MAF: variants seen among roughly 807,000 people sequenced by gnomAD.
The protein encoded by MAF is MAF bZIP transcription factor.
MAF carries 10 observed loss-of-function variants against 22.0 expected under a neutral mutation model. That is an observed-to-expected ratio of 0.45 (90% CI 0.28 to 0.77). The LOEUF (loss-of-function observed/expected upper bound fraction) is 0.77, where lower values mean the gene tolerates loss of function less well. MAF is among the 30% of genes least tolerant of loss of function. The pLI is 0.12. For synonymous variants in MAF, 337 were observed against 255.8 expected, an observed-to-expected ratio of 1.32 and a Z score of -3.03; for missense variants, 544 against 548.4, an observed-to-expected ratio of 0.99 and a Z score of 0.08.
rs1421442218 is a variant in MAF at position 79,599,785 on chromosome 16, C to T, written c.118G>A (p.Asp40Asn). Residue 40 changes from aspartate to asparagine, a missense_variant, in exon 1 of 2, where the codon GAC (aspartate) becomes AAC (asparagine). Coordinates refer to ENST00000326043, the MANE Select transcript of MAF (RefSeq NM_005360.5). ...CGGCCGCACTGGCTGATGATGCGGT[C>T]GGTCTCCACCGGTTCCTTTTTCACT... Reference protein sequence around the residue: ...FEVKKEPVETDRIISQCGRLI... With the variant: ...FEVKKEPVETNRIISQCGRLI... 3 of 1,612,892 alleles carry T rather than the reference C, an allele frequency of 1.9e-6. No homozygotes were observed. Among genetic ancestry groups the T allele is most frequent in the Non-Finnish European group, 2.5e-6 (3 of 1,179,944 alleles).
chr16:79,487,379 G>A, the MAF span, among the ~76,000 whole-genome samples: 1 of 152,132 alleles, frequency 6.6e-6, no homozygotes, highest in African/African-American at 2.4e-5. Context: ...TTTGATCTGA[G>A]TGGTGGATAT....
chr16:79,350,491 G>A, the MAF span, among the ~76,000 whole-genome samples: 33 of 152,118 alleles, frequency 2.2e-4, no homozygotes, highest in Non-Finnish European at 4.0e-4. Flanking sequence ...TGAGCACACC[G>A]CTGGACTACC....
chr16:79,340,112 G>C, the MAF span, among the ~76,000 whole-genome samples: 3 of 152,092 alleles, frequency 2.0e-5, no homozygotes, highest in Non-Finnish European at 4.4e-5. Flanking sequence ...CTAGCCAAGT[G>C]CAATACTTAG....
the MAF span, among the ~76,000 whole-genome samples, chr16:79,423,866 C>G: frequency 3.3e-5 from 5 of 152,148 alleles, no homozygotes; most frequent in Non-Finnish European, 7.3e-5. Flanking sequence ...AAATTAAATT[C>G]TTAGATAGAT....
chr16:79,519,207 A>G, the MAF span, among the ~76,000 whole-genome samples: 1 of 152,090 alleles, frequency 6.6e-6, no homozygotes, highest in African/African-American at 2.4e-5. Context: ...CAAGCCCCCA[A>G]ACCTGGAGCT....
At chr16:79,546,434 T>C in the MAF span, among the ~76,000 whole-genome samples, 1 of 152,208 alleles carries the variant, frequency 6.6e-6, no homozygotes, top group Non-Finnish European at 1.5e-5. Flanking sequence ...AGATAGAAAG[T>C]TTTGACAATT....
the MAF span, among the ~76,000 whole-genome samples, chr16:79,272,523 G>A: frequency 2.4e-3 from 369 of 152,296 alleles, 3 homozygotes; most frequent in Middle Eastern, 0.01. Context: ...AGACCACAGC[G>A]CCGCTCCATG....
chr16:79,332,652 A>G, the MAF span, among the ~76,000 whole-genome samples: 2 of 152,200 alleles, frequency 1.3e-5, no homozygotes, highest in African/African-American at 2.4e-5. Flanking sequence ...ATGCCAGACA[A>G]TGTGTATTTT....
At chr16:79,342,580 C>T in the MAF span, among the ~76,000 whole-genome samples, 1 of 151,982 alleles carries the variant, frequency 6.6e-6, no homozygotes, top group African/African-American at 2.4e-5. Context: ...CCATCACCAT[C>T]ACTGTCACCA....
At chr16:79,531,490 C>T in the MAF span, among the ~76,000 whole-genome samples, 56 of 152,148 alleles carry the variant, frequency 3.7e-4, no homozygotes, top group Non-Finnish European at 7.6e-4. Context: ...AATTATACAA[C>T]TCACCATAAT....
At chr16:79,374,029 C>T in the MAF span, among the ~76,000 whole-genome samples, 10 of 152,042 alleles carry the variant, frequency 6.6e-5, no homozygotes, top group African/African-American at 2.2e-4. Flanking sequence ...ATTTTATTAA[C>T]CTCATTGGTT....
the MAF span, among the ~76,000 whole-genome samples, chr16:79,572,653 G>T: frequency 6.6e-6 from 1 of 152,166 alleles, no homozygotes; most frequent in Non-Finnish European, 1.5e-5. Flanking sequence ...GACCACTTTA[G>T]TTCATTCCTC....
chr16:79,330,572 G>A, the MAF span, among the ~76,000 whole-genome samples: 1 of 152,186 alleles, frequency 6.6e-6, no homozygotes, highest in Non-Finnish European at 1.5e-5. Flanking sequence ...CCCACAGGGT[G>A]GGGAGGAACA....
chr16:79,301,894 A>C, the MAF span, among the ~76,000 whole-genome samples: 1 of 152,232 alleles, frequency 6.6e-6, no homozygotes. Context: ...AAAGTGGCTC[A>C]GAGAAGTTAG....
chr16:79,379,502 CA>C, the MAF span, among the ~76,000 whole-genome samples: 1 of 19,266 alleles, frequency 5.2e-5, no homozygotes, highest in African/African-American at 9.9e-4. Context: ...GGTGGAAGTG[CA>C]CACACACACA....
At chr16:79,481,519 A>G in the MAF span, among the ~76,000 whole-genome samples, 4 of 151,846 alleles carry the variant, frequency 2.6e-5, no homozygotes, top group African/African-American at 9.7e-5. Flanking sequence ...TAACAGTCCC[A>G]TCCATCCTCA....
the MAF span, among the ~76,000 whole-genome samples, chr16:79,540,513 G>C: frequency 6.6e-6 from 1 of 152,082 alleles, no homozygotes; most frequent in African/African-American, 2.4e-5. Flanking sequence ...TGGAGGACTG[G>C]GTCCATCACA....
At chr16:79,459,797 C>G in the MAF span, among the ~76,000 whole-genome samples, 1 of 152,172 alleles carries the variant, frequency 6.6e-6, no homozygotes, top group East Asian at 1.9e-4. Flanking sequence ...CTCCTGGACT[C>G]AAGTGATCTG....
the MAF span, among the ~76,000 whole-genome samples, chr16:79,557,439 C>A: frequency 1.1e-4 from 16 of 152,072 alleles, no homozygotes; most frequent in African/African-American, 3.9e-4. Flanking sequence ...GAAATAGATC[C>A]CCCAATAGAG....
Sources: gnomAD v4.1 joint callset for allele counts (sites outside exome capture counted in the v4.1 genomes callset) on GRCh38, gnomAD v4.1.1 for gene constraint, MANE v1.5 for transcripts, NCBI Gene and HGNC (gene_info 2026-07-23, HGNC 2026-07-21) for gene names.